CORO2B: variants seen among roughly 807,000 people sequenced by gnomAD.
The protein encoded by CORO2B is coronin 2B.
A neutral mutation model predicts 58.8 loss-of-function variants in CORO2B; 26 were observed. The ratio of observed to expected loss-of-function variants is 0.44; its 90% CI spans 0.32 to 0.61. The LOEUF (loss-of-function observed/expected upper bound fraction) is 0.61, where lower values mean the gene tolerates loss of function less well. CORO2B is among the 20% of genes least tolerant of loss of function. The pLI, the probability that CORO2B is intolerant of heterozygous loss-of-function variation, is 0.04. For missense variants in CORO2B, 460 were observed against 645.1 expected (o/e 0.71, Z 3.11); for synonymous variants, 242 against 253.8 (o/e 0.95, Z 0.44).
chr15:68,586,470 C>A (rs530263560), intron 1 of CORO2B, among the ~76,000 whole-genome samples: 1 of 152,128 alleles, frequency 6.6e-6, no homozygotes, highest in Admixed American at 6.5e-5. Flanking sequence ...AATGGGCAAA[C>A]GTCAGGAGTC....
chr15:68,645,446 TTC>T lies in CORO2B; in HGVS notation c.216+92_216+93del, dbSNP rs1386954044. ...TCTCTCTTAGGCCTGTTGACCCTAC[TTC>T]TCTCTGAGTTCCCACCTTTTACTTC... On this transcript the variant is annotated intron_variant, in intron 2 of 11. Transcript: ENST00000261861. This position sits in a 1 kb window ranked among gnomAD's most constrained non-coding sequence, Gnocchi z 4.5. The T allele has an allele frequency of 3.8e-6, 5 of 1,310,536 alleles. No individual in the cohort carries two copies. Among genetic ancestry groups the T allele is most frequent in the Non-Finnish European group, 5.3e-6 (5 of 951,294 alleles). 81.2% of individuals were successfully genotyped at this position (1,310,536 alleles called of 1,614,324 possible).
rs753493170 is a variant in CORO2B at position 68,727,275 on chromosome 15, G to A, written c.*1301G>A. ...CACGTCTACTCCCTTCTGCAGATGA[G>A]GAAACCGAGAGAAGTGGCCCAAGGT... On this transcript the variant is annotated 3_prime_UTR_variant, in exon 12 of 12. Coordinates refer to ENST00000261861, the MANE Select transcript of CORO2B (RefSeq NM_006091.5). 1 of 152,630 alleles carries A rather than the reference G, an allele frequency of 6.6e-6. No individual in the cohort carries two copies. The highest frequency in any genetic ancestry group is 1.5e-5 in the Non-Finnish European group (1 of 68,066). The allele number at this position is 152,630 out of a possible 1,614,324, so 9.5% of individuals were successfully genotyped here. A position where few individuals can be genotyped will look rare whatever the true frequency, so the allele number is the denominator to read the frequency against.
upstream of CORO2B, among the ~76,000 whole-genome samples, chr15:68,574,749 AT>A (rs1334498438): frequency 1.3e-5 from 2 of 152,186 alleles, no homozygotes; most frequent in African/African-American, 4.8e-5. Context: ...AAGCAAATAT[AT>A]TTCATTATGA....
chr15:68,679,341 CACA>C (rs1028004913), intron 2 of CORO2B, among the ~76,000 whole-genome samples: 2 of 152,152 alleles, frequency 1.3e-5, no homozygotes, highest in African/African-American at 4.8e-5. Flanking sequence ...ACTTTCTGAG[CACA>C]TGCACCGGGG....
At chr15:68,606,594 A>G (rs1258278947) in intron 1 of CORO2B, among the ~76,000 whole-genome samples, 1 of 152,192 alleles carries the variant, frequency 6.6e-6, no homozygotes, top group Admixed American at 6.5e-5. Flanking sequence ...GCCTGAGAGA[A>G]TTTTTGAGCT....
At chr15:68,539,057 T>G in the CORO2B span, among the ~76,000 whole-genome samples, 1 of 152,246 alleles carries the variant, frequency 6.6e-6, no homozygotes. Context: ...TGAAGTGTAT[T>G]AAGCTATTTA....
At chr15:68,689,028 A>G (rs1892292038) in intron 2 of CORO2B, among the ~76,000 whole-genome samples, 1 of 151,806 alleles carries the variant, frequency 6.6e-6, no homozygotes, top group Non-Finnish European at 1.5e-5. Flanking sequence ...TTTGAGATAC[A>G]ACCTGATCCC....
chr15:68,525,553 A>G, the CORO2B span, among the ~76,000 whole-genome samples: 1 of 152,348 alleles, frequency 6.6e-6, no homozygotes, highest in East Asian at 1.9e-4. Flanking sequence ...GTTAAAAAGT[A>G]GAAATGTAAT....
At chr15:68,559,715 G>C in the CORO2B span, 735 of 872,406 alleles carry the variant, frequency 8.4e-4, 7 homozygotes, top group African/African-American at 0.012. This position sits in a 1 kb window ranked among gnomAD's most constrained non-coding sequence, Gnocchi z 4.3. Context: ...TTCTCCCAGG[G>C]GGACTGTCGG....
intron 1 of CORO2B, among the ~76,000 whole-genome samples, chr15:68,628,054 T>C (rs554206870): frequency 6.6e-6 from 1 of 152,188 alleles, no homozygotes; most frequent in East Asian, 1.9e-4. Flanking sequence ...ACATCAGTGC[T>C]GGAGAGAAGA....
At chr15:68,575,569 T>A (rs139445914), upstream of CORO2B, among the ~76,000 whole-genome samples, 2 of 65,240 alleles carry the variant, frequency 3.1e-5, no homozygotes, top group African/African-American at 9.4e-5. Flanking sequence ...CTCCTGACCT[T>A]GTGATCTGCC....
intron 2 of CORO2B, among the ~76,000 whole-genome samples, chr15:68,676,405 C>T (rs1419537446): frequency 1.3e-5 from 2 of 152,224 alleles, no homozygotes; most frequent in Admixed American, 6.5e-5. Context: ...GGGGGCCAAT[C>T]TAGCTTCAGG....
intron 3 of CORO2B, among the ~76,000 whole-genome samples, chr15:68,695,685 C>T (rs1041349530): frequency 2.0e-5 from 3 of 152,126 alleles, no homozygotes; most frequent in Admixed American, 2.0e-4. Flanking sequence ...CTGGTTTGTC[C>T]TCTCTGAGTC....
the CORO2B span, among the ~76,000 whole-genome samples, chr15:68,568,186 G>A: frequency 5.3e-4 from 80 of 152,240 alleles, no homozygotes; most frequent in African/African-American, 1.7e-3. Flanking sequence ...TGAGTCTTCC[G>A]GAACCTGCTT....
rs1414406301 is a variant in CORO2B at position 68,711,692 on chromosome 15, G to T, written c.634G>T (p.Gly212Cys). 2 of 1,613,996 alleles carry T rather than the reference G, an allele frequency of 1.2e-6. No individual in the cohort carries two copies. Among genetic ancestry groups the T allele is most frequent in the East Asian group, 2.2e-5 (1 of 44,884 alleles). ...KKLRVIEPRS[G>C]RVLQEANCKN... ...GCTGCGTGTGATTGAGCCCCGCTCT[G>T]GCCGTGTTCTGCAGGTGGAACCCTA... The change falls in exon 5 of 12, where the codon GGC (glycine) becomes TGC (cysteine). Residue 212 changes from glycine (G) to cysteine (C), a missense_variant. This residue lies in a region of CORO2B where 352 missense variants were observed against 543.0 expected (regional missense o/e 0.65). Transcript: ENST00000261861.
intron 1 of CORO2B, among the ~76,000 whole-genome samples, chr15:68,588,713 A>G (rs1899627992): frequency 6.6e-6 from 1 of 152,224 alleles, no homozygotes; most frequent in Admixed American, 6.5e-5. Context: ...TCATTTAAAC[A>G]CCTTGAGTTT....
At chr15:68,608,408 A>C (rs1900173857) in intron 1 of CORO2B, among the ~76,000 whole-genome samples, 2 of 152,212 alleles carry the variant, frequency 1.3e-5, no homozygotes, top group African/African-American at 2.4e-5. Flanking sequence ...GGCCTGAAGG[A>C]CAACTCCCCT....
chr15:68,641,380 C>A, intron 1 of CORO2B: 1 of 248,790 alleles, frequency 4.0e-6, no homozygotes, highest in Non-Finnish European at 6.4e-6. Flanking sequence ...CCAGAGCCTT[C>A]ACCACAGATG....
chr15:68,657,992 G>C (rs1901872431), intron 2 of CORO2B, among the ~76,000 whole-genome samples: 1 of 152,200 alleles, frequency 6.6e-6, no homozygotes, highest in African/African-American at 2.4e-5. Flanking sequence ...CAATAGACCT[G>C]AGCACCCTTC....
Sources: gnomAD v4.1 joint callset for allele counts (sites outside exome capture counted in the v4.1 genomes callset) on GRCh38, gnomAD v4.1.1 for gene constraint, gnomAD v4.1.1 regional missense constraint, Gnocchi (gnomAD v3.1) non-coding constraint, MANE v1.5 for transcripts, NCBI Gene and HGNC (gene_info 2026-07-23, HGNC 2026-07-21) for gene names.